Variants in RPS6KA2 observed in about 807,000 individuals in gnomAD.
RPS6KA2 encodes ribosomal protein S6 kinase A2.
A neutral mutation model predicts 91.8 loss-of-function variants in RPS6KA2; 42 were observed. The observed-to-expected ratio is 0.46, with a 90% CI of 0.36 to 0.59. The LOEUF (loss-of-function observed/expected upper bound fraction) is 0.59, where lower values mean the gene tolerates loss of function less well. Among genes scored for constraint, RPS6KA2 ranks in the 20% least tolerant of loss-of-function variants. RPS6KA2 has a pLI of 0.00. For missense variants in RPS6KA2, 798 were observed against 978.5 expected (o/e 0.82, Z 2.46); for synonymous variants, 414 against 393.6 (o/e 1.05, Z -0.61).
intron 2 of RPS6KA2, among the ~76,000 whole-genome samples, chr6:166,731,448 G>C (rs1244837834): frequency 1.3e-5 from 2 of 151,142 alleles, no homozygotes; most frequent in Non-Finnish European, 2.9e-5. Flanking sequence ...AAGGGGGAAG[G>C]AGGGGCGTGG....
intron 3 of RPS6KA2, among the ~76,000 whole-genome samples, chr6:166,513,681 G>A (rs1782546640): frequency 6.6e-6 from 1 of 152,168 alleles, no homozygotes; most frequent in Non-Finnish European, 1.5e-5. Flanking sequence ...ACAAACGCTG[G>A]GGAGGAAAAG....
intron 8 of RPS6KA2, among the ~76,000 whole-genome samples, chr6:166,497,354 C>G (rs1342406725): frequency 6.6e-6 from 1 of 152,244 alleles, no homozygotes; most frequent in East Asian, 1.9e-4. Flanking sequence ...ACTCACTTTA[C>G]AGGCAGGAAT....
chr6:166,569,790 C>T (rs1784628861), intron 1 of RPS6KA2, among the ~76,000 whole-genome samples: 1 of 152,200 alleles, frequency 6.6e-6, no homozygotes, highest in Non-Finnish European at 1.5e-5. Context: ...ACACCCCCCT[C>T]GGGAATAGGA....
Position 166,665,698 on chromosome 6 carries a change from C to T in RPS6KA2, c.124-126914G>A, listed in dbSNP as rs994528584. Among the ~76,000 whole-genome samples the T allele has an allele frequency of 2.0e-5, 3 of 152,182 alleles. No individual in the cohort carries two copies. Among genetic ancestry groups the T allele is most frequent in the African/African-American group, 7.2e-5 (3 of 41,456 alleles). On this transcript the variant is annotated intron_variant, in intron 2 of 21. Coordinates refer to the RPS6KA2 transcript ENST00000503859. This position sits in a 1 kb window ranked among gnomAD's most constrained non-coding sequence, Gnocchi z 4.5. The stretch of plus-strand genomic sequence containing the variant: ...AGGTCTCCCAGCAAGCTGCAGGCGG[C>T]CCTGACCAAGCTTAGGTCCCATGAA...
intron 2 of RPS6KA2, among the ~76,000 whole-genome samples, chr6:166,738,563 T>C (rs1344976736): frequency 6.6e-6 from 1 of 152,218 alleles, no homozygotes; most frequent in Non-Finnish European, 1.5e-5. Flanking sequence ...AGGCACTGCC[T>C]TTCAAGCCCG....
chr6:166,727,309 T>C (rs536365193), intron 2 of RPS6KA2, among the ~76,000 whole-genome samples: 2 of 143,028 alleles, frequency 1.4e-5, no homozygotes, highest in East Asian at 4.2e-4. Context: ...AGATCATACT[T>C]AAACAAACAA....
At chr6:166,561,531 C>T (rs914437349) in intron 1 of RPS6KA2, among the ~76,000 whole-genome samples, 3 of 151,908 alleles carry the variant, frequency 2.0e-5, no homozygotes, top group Non-Finnish European at 2.9e-5. Flanking sequence ...CTGGGAGTCA[C>T]CCTCGACTCT....
intron 1 of RPS6KA2, among the ~76,000 whole-genome samples, chr6:166,861,720 T>C (rs900151463): frequency 1.3e-5 from 2 of 152,236 alleles, no homozygotes; most frequent in Non-Finnish European, 2.9e-5. Flanking sequence ...TCTTTCACTG[T>C]AGCAAATGGA....
chr6:166,496,098 C>T (rs573411930), intron 8 of RPS6KA2, among the ~76,000 whole-genome samples: 1 of 152,180 alleles, frequency 6.6e-6, no homozygotes, highest in African/African-American at 2.4e-5. Flanking sequence ...CGCCTGCAAC[C>T]CTAGCACTTC....
intron 2 of RPS6KA2, among the ~76,000 whole-genome samples, chr6:166,788,968 G>A (rs1779003403): frequency 6.6e-6 from 1 of 152,214 alleles, no homozygotes; most frequent in Admixed American, 6.5e-5. Flanking sequence ...ATTTCCATCT[G>A]AGGTACCAGG....
intron 2 of RPS6KA2, among the ~76,000 whole-genome samples, chr6:166,783,812 C>G (rs73035552): frequency 0.13 from 12,976 of 98,540 alleles, 1,954 homozygotes; most frequent in Middle Eastern, 0.23. Flanking sequence ...GCACAGTTAC[C>G]TGTAACCACA....
At chr6:166,480,411 A>G (rs1583188327) in intron 10 of RPS6KA2, among the ~76,000 whole-genome samples, 1 of 149,636 alleles carries the variant, frequency 6.7e-6, no homozygotes, top group East Asian at 2.0e-4. Flanking sequence ...TTTAGGAAAA[A>G]TCTTCAACCC....
In RPS6KA2 at chr6:166,598,077, C is replaced by T. The variant is rs77195818; in HGVS notation, c.99+28844G>A. Among the ~76,000 whole-genome samples the T allele has an allele frequency of 7.9e-3, 1,199 of 152,384 alleles. 8 individuals are homozygous for T. Among genetic ancestry groups the T allele is most frequent in the South Asian group, 0.029 (142 of 4,834 alleles). ...CAGAGGCATGGTTTGATTTCACATG[C>T]TCCTGATGACCATAATTGTTGCTAT... On this transcript the variant is annotated intron_variant, in intron 1 of 20. Coordinates refer to ENST00000265678, the MANE Select transcript of RPS6KA2 (RefSeq NM_021135.6).
chr6:166,639,576 C>T lies in RPS6KA2; in HGVS notation c.124-100792G>A, dbSNP rs1391336474. 6.6e-6 allele frequency among the ~76,000 whole-genome samples: 1 copy of T among 152,168 alleles called. No homozygotes were observed. The highest frequency in any genetic ancestry group is 1.5e-5 in the Non-Finnish European group (1 of 68,032). On this transcript the variant is annotated intron_variant, in intron 2 of 21. Transcript: ENST00000503859. This position sits in a 1 kb window ranked among gnomAD's most constrained non-coding sequence, Gnocchi z 4.2. Reference sequence around the variant, plus strand: ...CAGACTCTGTTCTTCCTAGCCAGGCCTTCTTCCATGTTGCGTTTGCCTCTC... The same window carrying T: ...CAGACTCTGTTCTTCCTAGCCAGGCTTTCTTCCATGTTGCGTTTGCCTCTC...
At chr6:166,846,240 T>G (rs2128631185) in intron 2 of RPS6KA2, among the ~76,000 whole-genome samples, 1 of 146,840 alleles carries the variant, frequency 6.8e-6, no homozygotes, top group East Asian at 2.0e-4. Flanking sequence ...AAAAAAAAAG[T>G]CCAGAACCAG....
chr6:166,773,387 T>C (rs707763), intron 2 of RPS6KA2, among the ~76,000 whole-genome samples: 196 of 115,692 alleles, frequency 1.7e-3, no homozygotes, highest in Non-Finnish European at 2.4e-3. Context: ...TTTCTTTTCG[T>C]TTTTTTTTGT....
intron 2 of RPS6KA2, among the ~76,000 whole-genome samples, chr6:166,703,663 C>A (rs960774047): frequency 6.6e-6 from 1 of 152,148 alleles, no homozygotes; most frequent in Non-Finnish European, 1.5e-5. Context: ...CATTTCTTCA[C>A]AGAAGGAATA....
intron 2 of RPS6KA2, among the ~76,000 whole-genome samples, chr6:166,803,508 T>C (rs752871259): frequency 1.8e-4 from 27 of 152,164 alleles, no homozygotes; most frequent in Non-Finnish European, 3.1e-4. Context: ...AAACCAAGAG[T>C]TAATCTAAAA....
intron 2 of RPS6KA2, among the ~76,000 whole-genome samples, chr6:166,735,707 T>C (rs67162821): frequency 0.25 from 37,774 of 152,048 alleles, 6,086 homozygotes; most frequent in African/African-American, 0.46. Context: ...CTAATGCTGC[T>C]GCTGACCTGA....
Sources: allele counts gnomAD v4.1 joint callset (sites outside exome capture counted in the v4.1 genomes callset), GRCh38; gene constraint gnomAD v4.1.1; non-coding constraint Gnocchi (gnomAD v3.1); transcripts MANE v1.5; gene names NCBI Gene and HGNC (gene_info 2026-07-23, HGNC 2026-07-21).